Variants in FARSB observed in about 807,000 individuals in gnomAD.
The protein encoded by FARSB is phenylalanyl-tRNA synthetase subunit beta.
Under a neutral mutation model 69.6 loss-of-function variants are expected in FARSB, and 40 were observed. The ratio of observed to expected loss-of-function variants is 0.57; its 90% CI spans 0.45 to 0.75. The LOEUF is 0.75. Ranked by LOEUF, FARSB falls within the 30% of genes least tolerant of loss-of-function variation. The pLI, the probability that FARSB is intolerant of heterozygous loss-of-function variation, is 0.00. For synonymous variants in FARSB, 235 were observed against 247.2 expected (o/e 0.95, Z 0.46); for missense variants, 632 against 722.9 (o/e 0.87, Z 1.44).
chr2:222,630,843 T>A (rs1199744598), intron 8 of FARSB, among the ~76,000 whole-genome samples: 1 of 152,222 alleles, frequency 6.6e-6, no homozygotes, highest in Non-Finnish European at 1.5e-5. Context: ...TGTACTACCC[T>A]GACAATATTT....
In FARSB at chr2:222,569,671, C is replaced by T. The variant is rs549963087; in HGVS notation, c.*2200G>A. On this transcript the variant is annotated 3_prime_UTR_variant, in exon 17 of 17. Coordinates refer to ENST00000281828, the MANE Select transcript of FARSB (RefSeq NM_005687.5). ...TCAGTTCTCTTTCCTGAGGTCCTGCCGACCACCTGCTTTTGACTTTTTTAG... is the reference window on the plus strand; with the variant it reads ...TCAGTTCTCTTTCCTGAGGTCCTGCTGACCACCTGCTTTTGACTTTTTTAG... 8 of 152,236 alleles carry T rather than the reference C, an allele frequency of 5.3e-5. No individual in the cohort carries two copies. The highest frequency in any genetic ancestry group is 2.0e-4 in the Admixed American group (3 of 15,292). The allele number at this position is 152,236 out of a possible 1,614,324, so 9.4% of individuals were successfully genotyped here.
At chr2:222,577,938 A>G (rs1689876463) in intron 16 of FARSB, among the ~76,000 whole-genome samples, 1 of 152,202 alleles carries the variant, frequency 6.6e-6, no homozygotes, top group South Asian at 2.1e-4. Context: ...ATGCACACTC[A>G]TATTTTAAAA....
rs181552499 is a variant in FARSB, at chr2:222,606,067, T to G, written c.1463-5984A>C. Among the ~76,000 whole-genome samples, 8 of 152,338 alleles carry G rather than the reference T, an allele frequency of 5.3e-5. No individual in the cohort carries two copies. In the East Asian group the frequency reaches 1.3e-3, roughly 26 times the overall value. The stretch of plus-strand genomic sequence containing the variant: ...TTTTGCAATATTTTTAAGAAAAGCC[T>G]GATTTCTAGGGCTTTGTATTAAGCC... On this transcript the variant is annotated intron_variant, in intron 15 of 16. Transcript: ENST00000281828.
intron 16 of FARSB, among the ~76,000 whole-genome samples, chr2:222,594,691 T>G (rs538481296): frequency 4.6e-5 from 7 of 152,174 alleles, no homozygotes; most frequent in Non-Finnish European, 8.8e-5. Flanking sequence ...TACTACAATA[T>G]CTATCAGAGG....
chr2:222,615,903 A>G (rs1222673185), intron 14 of FARSB, among the ~76,000 whole-genome samples: 1 of 152,250 alleles, frequency 6.6e-6, no homozygotes, highest in Admixed American at 6.5e-5. Context: ...TACAATGTTA[A>G]AAGTTAAAAG....
At chr2:222,650,053 T>C (rs1691989450) in intron 1 of FARSB, among the ~76,000 whole-genome samples, 1 of 152,198 alleles carries the variant, frequency 6.6e-6, no homozygotes, top group Non-Finnish European at 1.5e-5. Context: ...TATGACTGTG[T>C]TAAGTACAAG....
intron 16 of FARSB, 84 bp from the exon 17 acceptor site, chr2:222,572,106 T>C: frequency 8.7e-7 from 1 of 1,154,922 alleles, no homozygotes; most frequent in Non-Finnish European, 1.2e-6. Flanking sequence ...CCCACTAGTC[T>C]ACTTTAAAAA....
intron 5 of FARSB, among the ~76,000 whole-genome samples, chr2:222,637,269 G>T (rs1441969348): frequency 1.3e-5 from 2 of 152,154 alleles, no homozygotes; most frequent in East Asian, 1.9e-4. Flanking sequence ...AGTGAGGTGA[G>T]CCCTGACTAT....
chr2:222,639,365 GTA>G (rs1201532351), intron 5 of FARSB, among the ~76,000 whole-genome samples: 1 of 152,116 alleles, frequency 6.6e-6, no homozygotes, highest in Non-Finnish European at 1.5e-5. Flanking sequence ...GCAGTAAAAG[GTA>G]TCTGGTAAAG....
At chr2:222,645,170 A>G (rs1265697980) in intron 2 of FARSB, among the ~76,000 whole-genome samples, 1 of 152,178 alleles carries the variant, frequency 6.6e-6, no homozygotes, top group African/African-American at 2.4e-5. Flanking sequence ...CAAACCCCTT[A>G]TTTCACAAAT....
intron 16 of FARSB, among the ~76,000 whole-genome samples, chr2:222,594,553 T>C (rs1425502630): frequency 6.6e-6 from 1 of 152,176 alleles, no homozygotes; most frequent in Non-Finnish European, 1.5e-5. Context: ...TAATAATACA[T>C]ATATACAGTA....
At chr2:222,625,063 A>AAAAC in intron 10 of FARSB, among the ~76,000 whole-genome samples, 1 of 152,368 alleles carries the variant, frequency 6.6e-6, no homozygotes, top group East Asian at 1.9e-4. Flanking sequence ...TCCCCACAGT[A>AAAAC]AAACACTGTT....
rs1689659191 is a variant in FARSB at position 222,567,960 on chromosome 2, G to A, written c.*3911C>T. 2 of 152,206 alleles carry A rather than the reference G, an allele frequency of 1.3e-5. No individual in the cohort carries two copies. Among genetic ancestry groups the A allele is most frequent in the Non-Finnish European group, 1.5e-5 (1 of 68,046 alleles). The allele number at this position is 152,206 out of a possible 1,614,324, so 9.4% of individuals were successfully genotyped here. A position where few individuals can be genotyped will look rare whatever the true frequency, so the allele number is the denominator to read the frequency against. On this transcript the variant is annotated 3_prime_UTR_variant, in exon 17 of 17. Coordinates refer to ENST00000281828, the MANE Select transcript of FARSB (RefSeq NM_005687.5). ...AGAATATTACCTCATTTAAAAGAAT[G>A]AGATAGGTCTATAGGCACTGACCTG...
At chr2:222,643,666 A>G (rs1436582141) in intron 2 of FARSB, among the ~76,000 whole-genome samples, 2 of 152,156 alleles carry the variant, frequency 1.3e-5, no homozygotes, top group East Asian at 3.9e-4. Flanking sequence ...AACTAAAAAC[A>G]GTCAGAGACC....
Position 222,571,599 on chromosome 2 carries a change from C to T in FARSB, c.*272G>A. ...TGAGGAGCACGTCTGCCTTTCAGAACAGATCCTGCACTCTGCTAGTGCATT... is the reference window on the plus strand; with the variant it reads ...TGAGGAGCACGTCTGCCTTTCAGAATAGATCCTGCACTCTGCTAGTGCATT... On this transcript the variant is annotated 3_prime_UTR_variant, in exon 17 of 17. Transcript: ENST00000281828. The T allele has an allele frequency of 7.0e-6, 2 of 285,960 alleles. No individual in the cohort carries two copies. The highest frequency in any genetic ancestry group is 2.0e-4 in the South Asian group (2 of 10,242). 17.7% of individuals were successfully genotyped at this position (285,960 alleles called of 1,614,324 possible). A position where few individuals can be genotyped will look rare whatever the true frequency, so the allele number is the denominator to read the frequency against.
At chr2:222,609,006 ATCTTACTAAATCTAAATCACCC>A (rs1460081456) in intron 15 of FARSB, among the ~76,000 whole-genome samples, 1 of 152,248 alleles carries the variant, frequency 6.6e-6, no homozygotes, top group East Asian at 1.9e-4. Flanking sequence ...GGAGGATTGT[ATCTTACTAAATCTAAATCACCC>A]TCTTACATTG....
Position 222,656,018 on chromosome 2 carries a change from T to C in FARSB, c.56A>G (p.Tyr19Cys), listed in dbSNP as rs936327417. ...DLLFQALGRT[Y>C]TDEEFDELCF... The stretch of plus-strand genomic sequence containing the variant: ...CAACGTATAGGGCCGCCACTCACTG[T>C]AGGTGCGGCCCAGGGCTTGGAAGAG... Residue 19 changes from tyrosine (Y) to cysteine (C), a missense_variant and splice_region_variant, in exon 1 of 17, where the codon TAC becomes TGC. By Grantham distance (194) the Tyr-to-Cys change is radical (BLOSUM62 -2). Coordinates refer to ENST00000281828, the MANE Select transcript of FARSB (RefSeq NM_005687.5). 5 of 1,596,306 alleles carry C rather than the reference T, an allele frequency of 3.1e-6. No individual in the cohort carries two copies. Among genetic ancestry groups the C allele is most frequent in the African/African-American group, 1.3e-5 (1 of 74,240 alleles).
chr2:222,629,879 T>C (rs1385875700), intron 9 of FARSB, among the ~76,000 whole-genome samples: 3 of 152,174 alleles, frequency 2.0e-5, no homozygotes, highest in Non-Finnish European at 2.9e-5. Flanking sequence ...TAGCTAGGAC[T>C]ACAGGCGCAG....
intron 16 of FARSB, among the ~76,000 whole-genome samples, chr2:222,596,783 A>G (rs143088983): frequency 3.3e-4 from 50 of 152,288 alleles, no homozygotes; most frequent in Non-Finnish European, 5.0e-4. Context: ...TAGTTGTGGT[A>G]TGTATGTGTG....
Sources: allele counts gnomAD v4.1 joint callset (sites outside exome capture counted in the v4.1 genomes callset), GRCh38; gene constraint gnomAD v4.1.1; transcripts MANE v1.5; gene names NCBI Gene and HGNC (gene_info 2026-07-23, HGNC 2026-07-21).